The following LRRIQ1 variants were observed in gnomAD, a reference collection of about 807,000 sequenced individuals.
The protein encoded by LRRIQ1 is leucine rich repeats and IQ motif containing 1, also known as leucine-rich repeat- and IQ domain-containing protein 1.
In LRRIQ1, 210 loss-of-function variants were observed where a neutral mutation model predicts 211.9. The ratio of observed to expected loss-of-function variants is 0.99; its 90% CI spans 0.89 to 1.11. The LOEUF is 1.11. LRRIQ1 is among the 50% of genes most tolerant of loss of function. The pLI is 0.00. For synonymous variants in LRRIQ1, 699 were observed against 650.1 expected (o/e 1.08, Z -1.14); for missense variants, 2,136 against 1,939.5 (o/e 1.10, Z -1.90).
At chr12:85,245,196 A>G, downstream of LRRIQ1, 1 of 395,192 alleles carries the variant, frequency 2.5e-6, no homozygotes, top group Non-Finnish European at 4.0e-6. Flanking sequence ...TTGATCATTT[A>G]ATTCTAAAAG....
chr12:85,266,106 CAA>C (rs372574397), downstream of LRRIQ1, among the ~76,000 whole-genome samples: 333 of 152,100 alleles, frequency 2.2e-3, no homozygotes, highest in African/African-American at 7.7e-3. Flanking sequence ...TGTTTTTAAT[CAA>C]AGACCATCTT....
intron 24 of LRRIQ1, among the ~76,000 whole-genome samples, chr12:85,218,654 G>A (rs1416626848): frequency 1.3e-5 from 2 of 152,016 alleles, no homozygotes; most frequent in Non-Finnish European, 2.9e-5. Flanking sequence ...ATTCTCTAAT[G>A]AATTTCCTAT....
chr12:85,262,929 G>A, exon 2 of LRRIQ1: 2 of 984,846 alleles, frequency 2.0e-6, no homozygotes, highest in African/African-American at 1.7e-5. Context: ...TTCAGTTAAG[G>A]GAATACCAAT....
In LRRIQ1 at chr12:85,098,403, A is replaced by G. The variant is rs1318933441; in HGVS notation, c.2936A>G (p.Asn979Ser). 6.2e-6 allele frequency: 10 copies of G among 1,610,100 alleles called. 1 individual carries two copies. Among genetic ancestry groups the G allele is most frequent in the South Asian group, 4.4e-5 (4 of 90,482 alleles). ...KNLQQLILDH[N>S]QLINTKGLCD... ...CTTCAACAACTAATTTTGGACCACA[A>G]TCAGTTAATTAATACAAAAGGTCTT... is the stretch of plus-strand genomic sequence containing the variant. Residue 979 changes from asparagine (N) to serine (S), a missense_variant, in exon 12 of 27, where the codon AAT becomes AGT. Transcript: ENST00000393217.
At chr12:85,271,840 A>G in the LRRIQ1 span, among the ~76,000 whole-genome samples, 1 of 152,194 alleles carries the variant, frequency 6.6e-6, no homozygotes, top group Non-Finnish European at 1.5e-5. Context: ...TTTGCCCAAA[A>G]TATCTGCATC....
chr12:85,226,269 G>T (rs935565262), intron 24 of LRRIQ1, among the ~76,000 whole-genome samples: 9 of 152,096 alleles, frequency 5.9e-5, no homozygotes, highest in African/African-American at 1.9e-4. Flanking sequence ...TTAACTAAAA[G>T]TTTGCTTATT....
chr12:85,056,030 G>C lies in LRRIQ1; in HGVS notation c.1237G>C (p.Glu413Gln), dbSNP rs150671056. 6.2e-7 allele frequency: 1 copy of C among 1,601,334 alleles called. No individual in the cohort carries two copies. The change falls in exon 8 of 27, where the codon GAA (glutamate) becomes CAA (glutamine). Residue 413 changes from glutamate (E) to glutamine (Q), a missense_variant. Physicochemically the swap from Glu to Gln is conservative, Grantham distance 29. Coordinates refer to ENST00000393217, the MANE Select transcript of LRRIQ1 (RefSeq NM_001079910.2). The part of the protein sequence containing the change: ...SGYNNKHLSL[E>Q]DISNDKGDIA... ...ATATAATAACAAACATTTAAGTCTT[G>C]AAGATATTTCAAATGATAAGGGTGA...
chr12:85,059,665 C>T (rs1316875978), intron 8 of LRRIQ1, among the ~76,000 whole-genome samples: 4 of 151,776 alleles, frequency 2.6e-5, no homozygotes, highest in Non-Finnish European at 4.4e-5. Flanking sequence ...ACTTTCATTA[C>T]CTGATTATAG....
chr12:85,142,362 A>G (rs1383044354), intron 19 of LRRIQ1, among the ~76,000 whole-genome samples: 1 of 151,454 alleles, frequency 6.6e-6, no homozygotes, highest in Non-Finnish European at 1.5e-5. Flanking sequence ...CTCTTGTCCA[A>G]ATTTATTTCA....
At chr12:85,214,105 A>C (rs1893965786) in intron 24 of LRRIQ1, among the ~76,000 whole-genome samples, 1 of 152,074 alleles carries the variant, frequency 6.6e-6, no homozygotes, top group Non-Finnish European at 1.5e-5. Flanking sequence ...ATGAATAAAC[A>C]ATCAGAAGGA....
intron 13 of LRRIQ1, among the ~76,000 whole-genome samples, chr12:85,103,627 C>G (rs931080288): frequency 6.6e-6 from 1 of 151,480 alleles, no homozygotes; most frequent in Non-Finnish European, 1.5e-5. Context: ...AATGTAAATT[C>G]TTTGTAAATT....
rs1371547856 is a variant in LRRIQ1 at position 85,192,665 on chromosome 12, A to G, written c.4822+31951A>G. On this transcript the variant is annotated intron_variant, in intron 24 of 26. Coordinates refer to ENST00000393217, the MANE Select transcript of LRRIQ1 (RefSeq NM_001079910.2). Reference sequence around the variant, plus strand: ...AGTTATATACTATAATTATAAATATATAGTTATATACTATAATTATATATA... The same window carrying G: ...AGTTATATACTATAATTATAAATATGTAGTTATATACTATAATTATATATA... Among the ~76,000 whole-genome samples, 3 of 85,108 alleles carry G rather than the reference A, an allele frequency of 3.5e-5. 1 individual carries two copies. The highest frequency in any genetic ancestry group is 1.5e-4 in the African/African-American group (2 of 13,786). The allele number at this position is 85,108 out of a possible 152,430, so 55.8% of individuals were successfully genotyped here.
intron 26 of LRRIQ1, among the ~76,000 whole-genome samples, chr12:85,236,245 T>A (rs1895166522): frequency 6.6e-6 from 1 of 152,168 alleles, no homozygotes; most frequent in Non-Finnish European, 1.5e-5. Flanking sequence ...ACAAACTATA[T>A]GGCAAAAATA....
At chr12:85,084,552 T>C (rs76787324) in intron 11 of LRRIQ1, among the ~76,000 whole-genome samples, 3,767 of 152,210 alleles carry the variant, frequency 0.025, 160 homozygotes, top group East Asian at 0.2. Flanking sequence ...ATTAAAGAAA[T>C]GTTTAAAGTT....
At chr12:85,160,459 A>G (rs994448075) in intron 23 of LRRIQ1, among the ~76,000 whole-genome samples, 154 bp from the exon 24 acceptor site, 3 of 151,918 alleles carry the variant, frequency 2.0e-5, no homozygotes, top group Admixed American at 2.0e-4. Flanking sequence ...CTACCTTTCC[A>G]TGTTATGAAG....
At chr12:85,037,907 A>G (rs1299137313) in intron 1 of LRRIQ1, among the ~76,000 whole-genome samples, 2 of 151,896 alleles carry the variant, frequency 1.3e-5, no homozygotes, top group Non-Finnish European at 2.9e-5. Flanking sequence ...TTTATTATAT[A>G]TAGTAAAATT....
intron 24 of LRRIQ1, among the ~76,000 whole-genome samples, chr12:85,207,470 G>A (rs372252701): frequency 4.7e-4 from 72 of 152,222 alleles, no homozygotes; most frequent in African/African-American, 1.6e-3. Context: ...CTCCCAGTCT[G>A]TGTCTTGTCT....
At chr12:85,140,646 G>T (rs911327554) in intron 19 of LRRIQ1, among the ~76,000 whole-genome samples, 1 of 150,912 alleles carries the variant, frequency 6.6e-6, no homozygotes, top group Non-Finnish European at 1.5e-5. Flanking sequence ...GATGATATTA[G>T]CAAGCGTCTT....
intron 24 of LRRIQ1, among the ~76,000 whole-genome samples, chr12:85,183,473 C>T (rs930945449): frequency 3.3e-5 from 5 of 152,002 alleles, no homozygotes; most frequent in Non-Finnish European, 7.4e-5. Flanking sequence ...GATATTTGCT[C>T]ATTTTGCCCC....
Sources: allele counts gnomAD v4.1 joint callset (sites outside exome capture counted in the v4.1 genomes callset), GRCh38; gene constraint gnomAD v4.1.1; transcripts MANE v1.5; gene names NCBI Gene and HGNC (gene_info 2026-07-23, HGNC 2026-07-21).